TMEM272: variants seen among roughly 807,000 people sequenced by gnomAD.
TMEM272 encodes long intergenic non-protein coding RNA 282.
A neutral mutation model predicts 3.7 loss-of-function variants in TMEM272; 8 were observed. That is an observed-to-expected ratio of 2.17 (90% CI 1.27 to 3.91). The LOEUF (loss-of-function observed/expected upper bound fraction) is 3.91. TMEM272 is among the 30% of genes most tolerant of loss of function. TMEM272 has a pLI of 0.00. For missense variants in TMEM272, 166 were observed against 91.5 expected, an observed-to-expected ratio of 1.81 and a Z score of -3.32; for synonymous variants, 63 against 39.8, an observed-to-expected ratio of 1.58 and a Z score of -2.20.
upstream of TMEM272, among the ~76,000 whole-genome samples, chr13:51,849,354 G>T (rs952472944): frequency 2.0e-5 from 3 of 152,224 alleles, no homozygotes; most frequent in Non-Finnish European, 4.4e-5. Flanking sequence ...GGGAGCACGG[G>T]GAGCTGCTGT....
chr13:51,888,984 T>TG, the TMEM272 span, among the ~76,000 whole-genome samples: 2 of 152,282 alleles, frequency 1.3e-5, no homozygotes. Flanking sequence ...AGAGCCTCTC[T>TG]GGTGATGTGT....
At chr13:51,920,842 C>T in the TMEM272 span, among the ~76,000 whole-genome samples, 4 of 152,192 alleles carry the variant, frequency 2.6e-5, no homozygotes, top group Non-Finnish European at 2.9e-5. Context: ...AGATCCCTCA[C>T]CTACAATTGC....
intron 2 of TMEM272, among the ~76,000 whole-genome samples, chr13:51,832,785 C>T (rs1306097579): frequency 6.6e-6 from 1 of 152,222 alleles, no homozygotes. Flanking sequence ...ACTTAATCCC[C>T]TTTGAATATA....
chr13:51,897,779 T>C, the TMEM272 span, among the ~76,000 whole-genome samples: 6 of 150,634 alleles, frequency 4.0e-5, no homozygotes, highest in Non-Finnish European at 1.5e-5. Flanking sequence ...ATACAAAAAT[T>C]AGCCAGGCAT....
At chr13:51,844,170 C>G (rs1956284362) in intron 1 of TMEM272, among the ~76,000 whole-genome samples, 1 of 114,456 alleles carries the variant, frequency 8.7e-6, no homozygotes, top group African/African-American at 3.5e-5. Context: ...CTTTTGTTAA[C>G]CTCTGAGTTG....
chr13:51,908,911 T>A, the TMEM272 span: 1 of 1,403,792 alleles, frequency 7.1e-7, no homozygotes, highest in Non-Finnish European at 1.0e-6. Flanking sequence ...GATTCTCCTC[T>A]TTCCTTGGTA....
the TMEM272 span, among the ~76,000 whole-genome samples, chr13:51,896,971 T>C: frequency 6.6e-6 from 1 of 152,196 alleles, no homozygotes; most frequent in Non-Finnish European, 1.5e-5. Context: ...CAGTTCCATG[T>C]ACACCGTCAG....
chr13:51,865,323 C>A, the TMEM272 span: 1 of 1,422,294 alleles, frequency 7.0e-7, no homozygotes, highest in Non-Finnish European at 9.5e-7. Context: ...TTTTCTGCTG[C>A]CCCCACAGGG....
the TMEM272 span, among the ~76,000 whole-genome samples, chr13:51,893,698 C>T: frequency 1.3e-5 from 2 of 151,992 alleles, no homozygotes; most frequent in African/African-American, 2.4e-5. Flanking sequence ...GGAATGTGAT[C>T]GTGCTCAGAG....
rs999588614 is a variant in TMEM272, at chr13:51,814,827, T to C, written c.*1924A>G. Reference sequence around the variant, plus strand: ...AACGTTTGAGACCTAGCTACTGATGTATCCAAAGCACTAACCAGTACCTGC... The same window carrying C: ...AACGTTTGAGACCTAGCTACTGATGCATCCAAAGCACTAACCAGTACCTGC... On this transcript the variant is annotated 3_prime_UTR_variant, in exon 5 of 5. Coordinates refer to ENST00000629372, the MANE Select transcript of TMEM272 (RefSeq NM_001351003.2). The C allele has an allele frequency of 2.6e-5, 4 of 152,342 alleles. No individual in the cohort carries two copies. Among genetic ancestry groups the C allele is most frequent in the African/African-American group, 4.8e-5 (2 of 41,454 alleles). 9.4% of individuals were successfully genotyped at this position (152,342 alleles called of 1,614,324 possible).
chr13:51,891,866 G>A, the TMEM272 span, among the ~76,000 whole-genome samples: 8 of 152,182 alleles, frequency 5.3e-5, no homozygotes, highest in Non-Finnish European at 1.2e-4. Flanking sequence ...GTGGGGGTTG[G>A]AGGGGGGCAA....
At chr13:51,918,617 C>T in the TMEM272 span, among the ~76,000 whole-genome samples, 2 of 151,922 alleles carry the variant, frequency 1.3e-5, no homozygotes, top group African/African-American at 4.8e-5. Flanking sequence ...ATTTTTAAAA[C>T]TATTTTTATT....
chr13:51,880,278 A>C, the TMEM272 span, among the ~76,000 whole-genome samples: 6 of 7,716 alleles, frequency 7.8e-4, no homozygotes, highest in South Asian at 5.8e-3. Context: ...CTTTCACCAA[A>C]AAAAAAAAAA....
chr13:51,888,709 G>C, the TMEM272 span, among the ~76,000 whole-genome samples: 2 of 120,200 alleles, frequency 1.7e-5, no homozygotes, highest in Non-Finnish European at 3.2e-5. Flanking sequence ...GCAGTGGCTC[G>C]ATCTCAGCTC....
the TMEM272 span, among the ~76,000 whole-genome samples, chr13:51,921,826 G>A: frequency 6.6e-6 from 1 of 152,200 alleles, no homozygotes; most frequent in South Asian, 2.1e-4. Context: ...GGGAGCGGAG[G>A]TCCAAAGCAT....
At chr13:51,907,036 T>A in the TMEM272 span, among the ~76,000 whole-genome samples, 1 of 152,194 alleles carries the variant, frequency 6.6e-6, no homozygotes, top group East Asian at 1.9e-4. Flanking sequence ...CCCTCCCACA[T>A]GGTTAATGTT....
At chr13:51,919,348 T>C in the TMEM272 span, among the ~76,000 whole-genome samples, 8 of 152,322 alleles carry the variant, frequency 5.3e-5, no homozygotes, top group South Asian at 4.1e-4. Context: ...TTTGGTACAT[T>C]TGCTTCATAG....
the TMEM272 span, among the ~76,000 whole-genome samples, chr13:51,925,919 A>T: frequency 2.0e-5 from 3 of 152,176 alleles, no homozygotes; most frequent in Middle Eastern, 6.8e-3. Flanking sequence ...TTATGTGTGC[A>T]GTGGTGTATG....
At chr13:51,920,745 G>A in the TMEM272 span, among the ~76,000 whole-genome samples, 2 of 152,174 alleles carry the variant, frequency 1.3e-5, no homozygotes, top group Non-Finnish European at 2.9e-5. Flanking sequence ...GAAATGACAG[G>A]ATTTGCCTAT....
Sources: allele counts gnomAD v4.1 joint callset (sites outside exome capture counted in the v4.1 genomes callset), GRCh38; gene constraint gnomAD v4.1.1; transcripts MANE v1.5; gene names NCBI Gene and HGNC (gene_info 2026-07-23, HGNC 2026-07-21).